Variants in GABRG3 observed in about 807,000 individuals in gnomAD.
The protein encoded by GABRG3 is gamma-aminobutyric acid receptor subunit gamma-3.
A neutral mutation model predicts 48.8 loss-of-function variants in GABRG3; 25 were observed. The observed-to-expected ratio is 0.51, with a 90% CI of 0.37 to 0.72. The LOEUF is 0.72. GABRG3 is among the 30% of genes least tolerant of loss of function. GABRG3 has a pLI of 0.00. For missense variants in GABRG3, 394 were observed against 577.9 expected (o/e 0.68, Z 3.26); for synonymous variants, 227 against 217.6 (o/e 1.04, Z -0.38).
At chr15:27,464,124 A>G (rs189469963) in intron 5 of GABRG3, among the ~76,000 whole-genome samples, 1 of 152,210 alleles carries the variant, frequency 6.6e-6, no homozygotes, top group Admixed American at 6.5e-5. Flanking sequence ...AAATGCACCA[A>G]TTTTATACCT....
At chr15:27,170,412 A>G (rs6606881) in intron 3 of GABRG3, among the ~76,000 whole-genome samples, 4,085 of 152,256 alleles carry the variant, frequency 0.027, 213 homozygotes, top group African/African-American at 0.095. Context: ...ATACATATGT[A>G]TATATATTAT....
intron 3 of GABRG3, among the ~76,000 whole-genome samples, chr15:27,216,743 T>TATTATTA (rs1555410282): frequency 1.0e-5 from 1 of 100,170 alleles, no homozygotes; most frequent in Non-Finnish European, 2.0e-5. Flanking sequence ...CTTTTTTTTT[T>TATTATTA]TTTATTTTTT....
intron 5 of GABRG3, among the ~76,000 whole-genome samples, chr15:27,459,991 G>A (rs568632627): frequency 1.2e-4 from 18 of 152,114 alleles, no homozygotes; most frequent in African/African-American, 2.7e-4. Flanking sequence ...CCTCTATGTC[G>A]TAATGGTGGT....
At chr15:27,373,115 G>A (rs1365739121) in intron 5 of GABRG3, among the ~76,000 whole-genome samples, 2 of 152,158 alleles carry the variant, frequency 1.3e-5, no homozygotes, top group Non-Finnish European at 1.5e-5. Flanking sequence ...ACCCTAGCCT[G>A]GGATTTAGGA....
At chr15:27,351,205 A>G (rs1276337770) in intron 5 of GABRG3, among the ~76,000 whole-genome samples, 1 of 118,160 alleles carries the variant, frequency 8.5e-6, no homozygotes, top group East Asian at 2.8e-4. Context: ...GTTTGTGTGT[A>G]TGGTGTTTGT....
chr15:27,530,876 GA>G, intron 9 of GABRG3: 1 of 343,666 alleles, frequency 2.9e-6, no homozygotes, highest in South Asian at 2.2e-5. Context: ...ACACGTGTAG[GA>G]AACCTTTATT....
intron 7 of GABRG3, among the ~76,000 whole-genome samples, chr15:27,525,429 G>GT (rs1301976801): frequency 6.6e-6 from 1 of 151,992 alleles, no homozygotes; most frequent in South Asian, 2.1e-4. Flanking sequence ...GCCAACAGGT[G>GT]TTTTTGCAGA....
At chr15:27,392,003 G>A (rs1045261204) in intron 5 of GABRG3, among the ~76,000 whole-genome samples, 81 of 152,296 alleles carry the variant, frequency 5.3e-4, no homozygotes, top group African/African-American at 1.6e-3. Context: ...ACATACCTTT[G>A]CTGTGACATA....
chr15:27,239,444 A>C (rs1436365433), intron 3 of GABRG3, among the ~76,000 whole-genome samples: 2 of 152,216 alleles, frequency 1.3e-5, no homozygotes, highest in African/African-American at 4.8e-5. Context: ...AGAAAGCATA[A>C]GCTCTTTAGT....
intron 3 of GABRG3, among the ~76,000 whole-genome samples, chr15:27,131,414 A>C (rs1363984387): frequency 4.0e-5 from 6 of 151,822 alleles, no homozygotes; most frequent in African/African-American, 1.5e-4. Context: ...GGTCCTTTTA[A>C]TGTGTTGCTC....
chr15:27,217,806 G>A (rs967726896), intron 3 of GABRG3, among the ~76,000 whole-genome samples: 3 of 152,216 alleles, frequency 2.0e-5, no homozygotes, highest in Non-Finnish European at 2.9e-5. Context: ...GCAAGGTCAC[G>A]TGTGGGCACA....
intron 3 of GABRG3, among the ~76,000 whole-genome samples, chr15:27,196,806 G>A (rs1033904695): frequency 2.0e-5 from 3 of 152,204 alleles, no homozygotes; most frequent in Non-Finnish European, 4.4e-5. Flanking sequence ...TGAAATATGG[G>A]CAGTAGCCTC....
At chr15:27,302,724 G>A (rs974480692) in intron 3 of GABRG3, among the ~76,000 whole-genome samples, 3 of 151,918 alleles carry the variant, frequency 2.0e-5, no homozygotes, top group Admixed American at 6.6e-5. Flanking sequence ...AATATATTCT[G>A]GGTCATAAAA....
At chr15:27,410,373 C>T (rs970832117) in intron 5 of GABRG3, among the ~76,000 whole-genome samples, 1 of 151,878 alleles carries the variant, frequency 6.6e-6, no homozygotes, top group Non-Finnish European at 1.5e-5. Flanking sequence ...TTTAGTTTAG[C>T]TTGGTATTTA....
intron 3 of GABRG3, among the ~76,000 whole-genome samples, chr15:27,100,767 A>G (rs1002777544): frequency 1.3e-5 from 2 of 152,240 alleles, no homozygotes; most frequent in African/African-American, 4.8e-5. Flanking sequence ...TTGACAAAAT[A>G]TAATACTTAT....
At chr15:26,994,847 A>AT (rs374320145) in intron 2 of GABRG3, among the ~76,000 whole-genome samples, 13 of 151,948 alleles carry the variant, frequency 8.6e-5, no homozygotes, top group South Asian at 2.1e-4. Context: ...TTTAAAATTT[A>AT]TTGAGGCTTG....
intron 5 of GABRG3, among the ~76,000 whole-genome samples, chr15:27,422,016 G>A (rs1888133473): frequency 6.6e-6 from 1 of 151,566 alleles, no homozygotes. Flanking sequence ...CCATGGGAAT[G>A]GGCTGAGTAT....
chr15:27,050,428 T>C (rs1057331247), intron 3 of GABRG3, among the ~76,000 whole-genome samples: 18 of 152,088 alleles, frequency 1.2e-4, no homozygotes, highest in African/African-American at 4.1e-4. Context: ...TCCAGCCAAC[T>C]CCCTTCACCT....
chr15:27,190,201 T>A (rs1427522283), intron 3 of GABRG3, among the ~76,000 whole-genome samples: 1 of 152,204 alleles, frequency 6.6e-6, no homozygotes, highest in Non-Finnish European at 1.5e-5. Flanking sequence ...TTTGGTTGTG[T>A]CTCTGCTGGG....
Sources: gnomAD v4.1 joint callset for allele counts (sites outside exome capture counted in the v4.1 genomes callset) on GRCh38, gnomAD v4.1.1 for gene constraint, MANE v1.5 for transcripts, NCBI Gene and HGNC (gene_info 2026-07-23, HGNC 2026-07-21) for gene names.